Variants in GPR158 observed in about 807,000 individuals in gnomAD.
GPR158 encodes G protein-coupled receptor 158, also known as metabotropic glycine receptor.
Under a neutral mutation model 78.2 loss-of-function variants are expected in GPR158, and 30 were observed. The ratio of observed to expected loss-of-function variants is 0.38; its 90% CI spans 0.29 to 0.52. The LOEUF (loss-of-function observed/expected upper bound fraction) is 0.52, where lower values mean the gene tolerates loss of function less well. GPR158 is among the 20% of genes least tolerant of loss of function. GPR158 has a pLI of 0.83. For missense variants in GPR158, 1,463 were observed against 1,523.5 expected (o/e 0.96, Z 0.66); for synonymous variants, 581 against 591.1 (o/e 0.98, Z 0.25).
chr10:25,567,219 C>G (rs1038250951), intron 6 of GPR158, among the ~76,000 whole-genome samples: 2 of 152,098 alleles, frequency 1.3e-5, no homozygotes, highest in Non-Finnish European at 2.9e-5. Context: ...TTATTAGAAG[C>G]CTTGCATTCT....
At chr10:25,329,395 G>T (rs370141552) in intron 2 of GPR158, among the ~76,000 whole-genome samples, 1 of 151,490 alleles carries the variant, frequency 6.6e-6, no homozygotes, top group South Asian at 2.1e-4. Context: ...AGCGGAGATC[G>T]CGCCACTGCA....
chr10:25,297,851 T>A lies in GPR158; in HGVS notation c.1008+76694T>A, dbSNP rs1430805044. On this transcript the variant is annotated intron_variant, in intron 2 of 10. Coordinates refer to ENST00000376351, the MANE Select transcript of GPR158 (RefSeq NM_020752.3). ...GACACCCCCTACAAGAACAGTGACA[T>A]CTCAGAAGTTTATATATAATGTTTG... Among the ~76,000 whole-genome samples the A allele has an allele frequency of 2.0e-5, 3 of 152,194 alleles. No individual in the cohort carries two copies. The East Asian group carries it at 5.8e-4, about 29-fold the overall frequency.
At chr10:25,244,157 A>G (rs1853659568) in intron 2 of GPR158, 1 of 152,196 alleles carries the variant, frequency 6.6e-6, no homozygotes, top group East Asian at 1.9e-4. Context: ...AAAAATAAAT[A>G]AACCCCCTTT....
chr10:25,270,357 C>G (rs1486115656), intron 2 of GPR158, among the ~76,000 whole-genome samples: 1 of 151,816 alleles, frequency 6.6e-6, no homozygotes, highest in East Asian at 1.9e-4. Flanking sequence ...TGCAGGGGAA[C>G]TGAATATGGA....
chr10:25,316,654 T>C (rs552487546), intron 2 of GPR158, among the ~76,000 whole-genome samples: 3 of 152,342 alleles, frequency 2.0e-5, no homozygotes, highest in South Asian at 2.1e-4. Flanking sequence ...TGAGATATAG[T>C]GCTATCTAAT....
intron 2 of GPR158, chr10:25,244,160 C>A (rs528913593): frequency 3.9e-5 from 6 of 152,206 alleles, no homozygotes; most frequent in African/African-American, 1.4e-4. Context: ...AATAAATAAA[C>A]CCCCTTTCTT....
intron 5 of GPR158, among the ~76,000 whole-genome samples, chr10:25,494,270 G>T (rs1194790163): frequency 6.6e-6 from 1 of 152,114 alleles, no homozygotes; most frequent in Non-Finnish European, 1.5e-5. Flanking sequence ...TATGCAAAGA[G>T]AATTTACCAA....
At chr10:25,348,436 C>CAT (rs3220916) in intron 2 of GPR158, among the ~76,000 whole-genome samples, 6 of 144,488 alleles carry the variant, frequency 4.2e-5, no homozygotes, top group African/African-American at 5.2e-5. Flanking sequence ...CACACACACA[C>CAT]GGAAAAACCC....
intron 2 of GPR158, among the ~76,000 whole-genome samples, chr10:25,309,458 A>G (rs7906937): frequency 0.2 from 30,731 of 151,984 alleles, 5,240 homozygotes; most frequent in African/African-American, 0.47. Context: ...GATATAATGC[A>G]TTATTTGATA....
intron 1 of GPR158, among the ~76,000 whole-genome samples, chr10:25,188,984 G>C (rs1253244828): frequency 6.6e-6 from 1 of 152,032 alleles, no homozygotes; most frequent in Non-Finnish European, 1.5e-5. Context: ...GACATGAATG[G>C]ACCCTTCTCA....
At chr10:25,478,375 A>G (rs1835617017) in intron 5 of GPR158, among the ~76,000 whole-genome samples, 1 of 152,184 alleles carries the variant, frequency 6.6e-6, no homozygotes, top group African/African-American at 2.4e-5. Flanking sequence ...AAAGAACACA[A>G]TGAAAAAGGT....
chr10:25,521,144 C>T (rs1836266144), intron 5 of GPR158, among the ~76,000 whole-genome samples: 1 of 152,240 alleles, frequency 6.6e-6, no homozygotes, highest in South Asian at 2.1e-4. Context: ...GCATCCGTCA[C>T]CCCTTTCTTT....
At chr10:25,533,186 G>T (rs2130695620) in intron 5 of GPR158, among the ~76,000 whole-genome samples, 1 of 152,318 alleles carries the variant, frequency 6.6e-6, no homozygotes, top group African/African-American at 2.4e-5. Flanking sequence ...CTGCACTGTA[G>T]TAGTTCTTAG....
chr10:25,506,144 C>T (rs759986361), intron 5 of GPR158, among the ~76,000 whole-genome samples: 8 of 152,218 alleles, frequency 5.3e-5, no homozygotes, highest in Non-Finnish European at 1.2e-4. Flanking sequence ...GCTATAATCC[C>T]ACCATAGCCA....
At chr10:25,332,052 T>C (rs1284566957) in intron 2 of GPR158, among the ~76,000 whole-genome samples, 1 of 152,136 alleles carries the variant, frequency 6.6e-6, no homozygotes, top group Non-Finnish European at 1.5e-5. Flanking sequence ...ATAAAGTACA[T>C]GCTGTATGGC....
chr10:25,358,266 T>C (rs139015570), intron 2 of GPR158, among the ~76,000 whole-genome samples: 30 of 152,132 alleles, frequency 2.0e-4, no homozygotes, highest in African/African-American at 7.2e-4. Flanking sequence ...CTGTGGACTT[T>C]GGAGTTAATG....
chr10:25,420,149 GTTAT>G (rs1321384465), intron 4 of GPR158, among the ~76,000 whole-genome samples: 2 of 151,924 alleles, frequency 1.3e-5, no homozygotes, highest in African/African-American at 4.8e-5. Context: ...AAGCCCCAAA[GTTAT>G]TTATTTATTT....
At chr10:25,319,993 T>C (rs1343802746) in intron 2 of GPR158, among the ~76,000 whole-genome samples, 2 of 152,200 alleles carry the variant, frequency 1.3e-5, no homozygotes. Flanking sequence ...CTTTTTCCTC[T>C]ATTATATCTC....
chr10:25,571,420 T>C (rs1433931345), intron 6 of GPR158, among the ~76,000 whole-genome samples: 2 of 152,210 alleles, frequency 1.3e-5, no homozygotes, highest in Non-Finnish European at 2.9e-5. Flanking sequence ...ATCTAGGCTA[T>C]TTCAGGTGTA....
Sources: gnomAD v4.1 joint callset for allele counts (sites outside exome capture counted in the v4.1 genomes callset) on GRCh38, gnomAD v4.1.1 for gene constraint, MANE v1.5 for transcripts, NCBI Gene and HGNC (gene_info 2026-07-23, HGNC 2026-07-21) for gene names.